Variants in AFG1L observed in about 807,000 individuals in gnomAD.
The protein encoded by AFG1L is AFG1-like ATPase.
AFG1L carries 53 observed loss-of-function variants against 62.2 expected under a neutral mutation model. That is an observed-to-expected ratio of 0.85 (90% confidence interval 0.68 to 1.07). AFG1L has a LOEUF of 1.07. Ranked by LOEUF, AFG1L falls within the 50% of genes least tolerant of loss-of-function variation. The probability of loss-of-function intolerance (pLI) is 0.00; values close to 1 mark genes in which losing one functional copy is unlikely to be tolerated. For synonymous variants in AFG1L, 228 were observed against 210.3 expected (o/e 1.08, Z -0.73); for missense variants, 555 against 590.5 (o/e 0.94, Z 0.62).
intron 8 of AFG1L, among the ~76,000 whole-genome samples, chr6:108,465,217 A>T (rs1772616882): frequency 6.6e-6 from 1 of 152,192 alleles, no homozygotes; most frequent in Non-Finnish European, 1.5e-5. Context: ...CCCAAAAGAA[A>T]ACTCTAAATT....
At position 108,524,164 on chromosome 6, in the gene AFG1L, A is replaced by G. The variant is rs1775237825; in HGVS notation, c.*1739A>G. ...TTTTAAAAATTGATTCATTTAACTC[A>G]GTGAATGAAGTTGAAGATAAATTCA... is the stretch of plus-strand genomic sequence containing the variant. On this transcript the variant is annotated 3_prime_UTR_variant, in exon 13 of 13. Transcript: ENST00000368977. 1 of 152,250 alleles carries G rather than the reference A, an allele frequency of 6.6e-6. No individual in the cohort carries two copies. Among genetic ancestry groups the G allele is most frequent in the African/African-American group, 2.4e-5 (1 of 41,466 alleles). The allele number at this position is 152,250 out of a possible 1,614,324, so 9.4% of individuals were successfully genotyped here.
At chr6:108,487,349 C>G (rs924051440) in intron 10 of AFG1L, among the ~76,000 whole-genome samples, 1 of 152,114 alleles carries the variant, frequency 6.6e-6, no homozygotes, top group Admixed American at 6.6e-5. Flanking sequence ...GCACTCCAGC[C>G]GGGGCAACAT....
intron 6 of AFG1L, among the ~76,000 whole-genome samples, chr6:108,394,639 T>C (rs1171605747): frequency 2.0e-5 from 3 of 152,238 alleles, no homozygotes; most frequent in East Asian, 3.8e-4. Context: ...TAATCTATTT[T>C]GCTATGTGTA....
intron 2 of AFG1L, among the ~76,000 whole-genome samples, chr6:108,333,076 G>A (rs990360207): frequency 2.0e-5 from 3 of 152,268 alleles, no homozygotes; most frequent in East Asian, 3.9e-4. Flanking sequence ...AAAGTGAAAA[G>A]GTAGACGACA....
Position 108,525,651 on chromosome 6 carries a change from A to T in AFG1L, c.*3226A>T, listed in dbSNP as rs1387689301. 2.0e-5 allele frequency: 3 copies of T among 152,262 alleles called. No individual in the cohort carries two copies. The highest frequency in any genetic ancestry group is 6.5e-5 in the Admixed American group (1 of 15,286). The allele number at this position is 152,262 out of a possible 1,614,324, so 9.4% of individuals were successfully genotyped here. A position where few individuals can be genotyped will look rare whatever the true frequency, so the allele number is the denominator to read the frequency against. On this transcript the variant is annotated 3_prime_UTR_variant, in exon 13 of 13. Coordinates refer to ENST00000368977, the MANE Select transcript of AFG1L (RefSeq NM_145315.5). ...TTATAAATAAACTCTTTTGATCCAT[A>T]TAACAGTCTTATGAGATAGGTGCCA...
At chr6:108,337,506 C>T (rs914763944) in intron 2 of AFG1L, among the ~76,000 whole-genome samples, 6 of 152,140 alleles carry the variant, frequency 3.9e-5, no homozygotes, top group African/African-American at 1.4e-4. Context: ...ATCCTCAGCA[C>T]ATAGCACAGT....
intron 8 of AFG1L, among the ~76,000 whole-genome samples, chr6:108,472,941 C>T (rs1772962470): frequency 6.6e-6 from 1 of 151,546 alleles, no homozygotes; most frequent in Non-Finnish European, 1.5e-5. Flanking sequence ...TAGCTGGGAT[C>T]ACAGGCACGC....
chr6:108,405,477 G>A (rs1198347761), intron 7 of AFG1L, among the ~76,000 whole-genome samples: 1 of 152,108 alleles, frequency 6.6e-6, no homozygotes, highest in Non-Finnish European at 1.5e-5. Flanking sequence ...CTCCTGAGTA[G>A]CTGGGACTAT....
At chr6:108,295,304 C>G (rs1776722761) in intron 1 of AFG1L, 86 bp downstream of exon 1, 4 of 1,448,658 alleles carry the variant, frequency 2.8e-6, no homozygotes, top group African/African-American at 1.4e-5. Flanking sequence ...CGATCTACCC[C>G]AGGTGTCTCC....
At chr6:108,385,592 G>A (rs550323373) in intron 6 of AFG1L, among the ~76,000 whole-genome samples, 3 of 152,266 alleles carry the variant, frequency 2.0e-5, no homozygotes, top group South Asian at 2.1e-4. Context: ...AGCTCTGAAG[G>A]CTGTGAGACC....
At chr6:108,358,417 G>A (rs1051324820) in intron 5 of AFG1L, among the ~76,000 whole-genome samples, 1 of 152,102 alleles carries the variant, frequency 6.6e-6, no homozygotes, top group Non-Finnish European at 1.5e-5. Context: ...ATCTCCACAT[G>A]GAGATGAGAA....
rs556313945 is a variant in AFG1L, at chr6:108,466,849, G to T, written c.891-10016G>T. 2.0e-5 allele frequency among the ~76,000 whole-genome samples: 3 copies of T among 151,032 alleles called. No homozygotes were observed. The South Asian group carries it at 6.3e-4, about 32-fold the overall frequency. ...CAGTCTGTGGTATTTTGTTATGGGAGCCCTAGCAGACAAATGCACCCATCA... is the reference window on the plus strand; with the variant it reads ...CAGTCTGTGGTATTTTGTTATGGGATCCCTAGCAGACAAATGCACCCATCA... On this transcript the variant is annotated intron_variant, in intron 8 of 12. Transcript: ENST00000368977.
chr6:108,406,361 A>T (rs1781856395), intron 7 of AFG1L, among the ~76,000 whole-genome samples: 1 of 148,530 alleles, frequency 6.7e-6, no homozygotes, highest in African/African-American at 2.5e-5. Context: ...GTGAAGTGAT[A>T]TCTCATTATG....
At chr6:108,354,992 C>CT (rs1203782924) in intron 3 of AFG1L, among the ~76,000 whole-genome samples, 1 of 152,006 alleles carries the variant, frequency 6.6e-6, no homozygotes, top group Non-Finnish European at 1.5e-5. Flanking sequence ...ATTTTCTCAG[C>CT]TTTTTAAAAA....
At chr6:108,356,601 A>G in intron 4 of AFG1L, 89 bp from the exon 5 acceptor site, 4 of 879,792 alleles carry the variant, frequency 4.5e-6, no homozygotes, top group Non-Finnish European at 6.5e-6. Flanking sequence ...TGTCCATACT[A>G]AAGTTTCATT....
chr6:108,330,695 G>A (rs1582385902), intron 2 of AFG1L, among the ~76,000 whole-genome samples: 1 of 152,154 alleles, frequency 6.6e-6, no homozygotes, highest in East Asian at 1.9e-4. Context: ...TTGTTTATTA[G>A]CTACAGCATG....
At chr6:108,344,530 A>G (rs946399464) in intron 2 of AFG1L, among the ~76,000 whole-genome samples, 2 of 152,116 alleles carry the variant, frequency 1.3e-5, no homozygotes. Flanking sequence ...AGGCTGTAGT[A>G]TGCTATGATC....
intron 7 of AFG1L, among the ~76,000 whole-genome samples, chr6:108,406,548 A>G (rs530242952): frequency 6.6e-6 from 1 of 152,022 alleles, no homozygotes; most frequent in East Asian, 1.9e-4. Context: ...AGTGATTCTC[A>G]TTCCTCAGCC....
chr6:108,347,109 T>G lies in AFG1L; in HGVS notation c.415+70T>G, dbSNP rs1384198617. 25 of 1,244,136 alleles carry G rather than the reference T, an allele frequency of 2.0e-5. No homozygotes were observed. In the South Asian group the frequency reaches 3.0e-4, roughly 15 times the overall value. 77.1% of individuals were successfully genotyped at this position (1,244,136 alleles called of 1,614,324 possible). ...TCTCAGCTTTCTCTCAGGGATGATT[T>G]CTATTTCTATCCCTCAATCTGTTAC... On this transcript the variant is annotated intron_variant, in intron 3 of 12. Coordinates refer to ENST00000368977, the MANE Select transcript of AFG1L (RefSeq NM_145315.5).
Sources: allele counts gnomAD v4.1 joint callset (sites outside exome capture counted in the v4.1 genomes callset), GRCh38; gene constraint gnomAD v4.1.1; transcripts MANE v1.5; gene names NCBI Gene and HGNC (gene_info 2026-07-23, HGNC 2026-07-21).